The following CREB5 variants were observed in gnomAD, a reference collection of about 807,000 sequenced individuals.
CREB5 encodes cAMP responsive element binding protein 5.
In CREB5, 19 loss-of-function variants were observed where a neutral mutation model predicts 57.1. The observed-to-expected ratio is 0.33, with a 90% CI of 0.23 to 0.49. The LOEUF (loss-of-function observed/expected upper bound fraction) is 0.49. CREB5 is among the 20% of genes least tolerant of loss of function. The probability of loss-of-function intolerance (pLI) is 0.99; values close to 1 mark genes in which losing one functional copy is unlikely to be tolerated. For synonymous variants in CREB5, 238 were observed against 238.3 expected, an observed-to-expected ratio of 1.00 and a Z score of 0.01; for missense variants, 579 against 671.6, an observed-to-expected ratio of 0.86 and a Z score of 1.52.
At chr7:28,818,326 T>C in intron 10 of CREB5, 147 bp downstream of exon 10, 1 of 622,528 alleles carries the variant, frequency 1.6e-6, no homozygotes, top group Admixed American at 2.9e-5. Context: ...TTCCAGACTA[T>C]TCTTCCAAGG....
Position 28,804,453 on chromosome 7 carries a change from C to A in CREB5, c.957C>A (p.His319Gln). 10 of 1,614,160 alleles carry A rather than the reference C, an allele frequency of 6.2e-6. No homozygotes were observed. Among genetic ancestry groups the A allele is most frequent in the Non-Finnish European group, 8.5e-6 (10 of 1,180,036 alleles). The change falls in exon 8 of 11, where the codon CAC becomes CAA. Residue 319 changes from histidine to glutamine, a missense_variant. Physicochemically the swap from His to Gln is conservative, Grantham distance 24. This residue lies in a region of CREB5 where 459 missense variants were observed against 515.7 expected (regional missense o/e 0.89). Coordinates refer to ENST00000357727, the MANE Select transcript of CREB5 (RefSeq NM_182898.4). Reference sequence around the variant, plus strand: ...ATCCACATCACCACTCCCATTCCCACCTTCATGCACACCCAGCACATCACC... The same window carrying A: ...ATCCACATCACCACTCCCATTCCCAACTTCATGCACACCCAGCACATCACC... ...QNHPHHHSHS[H>Q]LHAHPAHHQT...
At chr7:28,500,416 G>A (rs994270907) in intron 3 of CREB5, among the ~76,000 whole-genome samples, 6 of 152,178 alleles carry the variant, frequency 3.9e-5, no homozygotes, top group African/African-American at 1.4e-4. Context: ...AAGAGAGGCA[G>A]GAAAGACTGG....
intron 4 of CREB5, among the ~76,000 whole-genome samples, chr7:28,525,711 A>G (rs1488031243): frequency 6.6e-6 from 1 of 152,164 alleles, no homozygotes; most frequent in Non-Finnish European, 1.5e-5. Flanking sequence ...CCATAAATAT[A>G]ATAGACATAA....
intron 1 of CREB5, among the ~76,000 whole-genome samples, chr7:28,382,244 C>T (rs536150243): frequency 1.9e-3 from 290 of 152,266 alleles, no homozygotes; most frequent in Non-Finnish European, 2.5e-3. Context: ...TGCCTGCCCA[C>T]GTTGAGGGCA....
chr7:28,399,410 C>T (rs968436144), intron 1 of CREB5, among the ~76,000 whole-genome samples: 2 of 119,344 alleles, frequency 1.7e-5, no homozygotes, highest in African/African-American at 6.8e-5. Flanking sequence ...AAAACAGCAT[C>T]ATTCTGGTAA....
At chr7:28,741,966 G>A (rs748137582) in intron 7 of CREB5, among the ~76,000 whole-genome samples, 1 of 150,800 alleles carries the variant, frequency 6.6e-6, no homozygotes, top group Middle Eastern at 3.4e-3. Context: ...CTTGGGAGGC[G>A]GAGGCAGAAG....
At chr7:28,650,523 G>T (rs1377075575) in intron 5 of CREB5, among the ~76,000 whole-genome samples, 1 of 152,076 alleles carries the variant, frequency 6.6e-6, no homozygotes, top group Non-Finnish European at 1.5e-5. Flanking sequence ...GATCCAGATA[G>T]TCTAAAATCC....
At chr7:28,560,234 T>C (rs1795025519) in intron 4 of CREB5, among the ~76,000 whole-genome samples, 1 of 152,068 alleles carries the variant, frequency 6.6e-6, no homozygotes, top group Admixed American at 6.5e-5. Context: ...GGAGAGGAAA[T>C]TCTAGGCCTG....
chr7:28,337,705 A>G (rs899370877), intron 1 of CREB5, among the ~76,000 whole-genome samples: 4 of 152,022 alleles, frequency 2.6e-5, no homozygotes. Flanking sequence ...ATTCAATGTT[A>G]TTATTGATAA....
intron 4 of CREB5, among the ~76,000 whole-genome samples, chr7:28,515,508 C>A (rs62449889): frequency 1.3e-5 from 2 of 151,988 alleles, no homozygotes; most frequent in Non-Finnish European, 2.9e-5. Context: ...TTGAACATAC[C>A]ACTGCTATTC....
At chr7:28,478,792 A>C (rs1791193539) in intron 1 of CREB5, among the ~76,000 whole-genome samples, 1 of 152,192 alleles carries the variant, frequency 6.6e-6, no homozygotes, top group South Asian at 2.1e-4. Context: ...TGGCCAAACC[A>C]GATAATTTAC....
At chr7:28,314,218 A>G (rs1369469801) in intron 1 of CREB5, among the ~76,000 whole-genome samples, 3 of 152,182 alleles carry the variant, frequency 2.0e-5, no homozygotes, top group Non-Finnish European at 4.4e-5. Flanking sequence ...GTTTGGTGAA[A>G]AAGCTTAATT....
chr7:28,464,412 T>C (rs1790471898), intron 1 of CREB5, among the ~76,000 whole-genome samples: 2 of 152,162 alleles, frequency 1.3e-5, no homozygotes, highest in Admixed American at 1.3e-4. Context: ...ATTTTCGAAC[T>C]ATTGGTGTTG....
At position 28,825,766 on chromosome 7, in the gene CREB5, C is replaced by G. The variant is rs1810027453; in HGVS notation, c.*6487C>G. On this transcript the variant is annotated 3_prime_UTR_variant, in exon 11 of 11. Transcript: ENST00000357727. ...TATTGTTACCAATGGACAATGAGTT[C>G]ATTAAGACTGTTCAACTAGGTCAGA... 1.3e-5 allele frequency: 2 copies of G among 152,596 alleles called. No individual in the cohort carries two copies. Among genetic ancestry groups the G allele is most frequent in the Admixed American group, 6.6e-5 (1 of 15,266 alleles). 9.5% of individuals were successfully genotyped at this position (152,596 alleles called of 1,614,324 possible).
At chr7:28,698,240 A>G (rs1312005900) in intron 5 of CREB5, among the ~76,000 whole-genome samples, 1 of 151,738 alleles carries the variant, frequency 6.6e-6, no homozygotes, top group Non-Finnish European at 1.5e-5. Flanking sequence ...CAGACATAAT[A>G]GTGAATCTTT....
chr7:28,719,746 T>C (rs1055274971), intron 6 of CREB5, among the ~76,000 whole-genome samples: 1 of 152,162 alleles, frequency 6.6e-6, no homozygotes, highest in Non-Finnish European at 1.5e-5. Flanking sequence ...CTCATAATCA[T>C]TATCTAATAA....
rs543636446 is a variant in CREB5 at position 28,610,289 on chromosome 7, T to C, written c.464+39752T>C. On this transcript the variant is annotated intron_variant, in intron 5 of 10. Coordinates refer to ENST00000357727, the MANE Select transcript of CREB5 (RefSeq NM_182898.4). ...AGAGGGAAGGCGGTGAAAGGTGTGC[T>C]CAGAGGTATCTGAGCTTTGGGTTTT... Among the ~76,000 whole-genome samples, 21 of 152,236 alleles carry C rather than the reference T, an allele frequency of 1.4e-4. No homozygotes were observed. The East Asian group carries it at 3.9e-3, about 28-fold the overall frequency.
At chr7:28,300,891 T>C (rs1200551505) in intron 1 of CREB5, among the ~76,000 whole-genome samples, 1 of 152,184 alleles carries the variant, frequency 6.6e-6, no homozygotes, top group East Asian at 1.9e-4. Context: ...ACCTTGGAAC[T>C]TGTCATAAAT....
chr7:28,810,600 G>A (rs1809056519), intron 9 of CREB5, among the ~76,000 whole-genome samples: 3 of 152,166 alleles, frequency 2.0e-5, no homozygotes, highest in Admixed American at 2.0e-4. Flanking sequence ...GGAGGCTGAA[G>A]CAGGAGAATG....
Sources: allele counts gnomAD v4.1 joint callset (sites outside exome capture counted in the v4.1 genomes callset), GRCh38; gene constraint gnomAD v4.1.1; regional missense constraint gnomAD v4.1.1; transcripts MANE v1.5; gene names NCBI Gene and HGNC (gene_info 2026-07-23, HGNC 2026-07-21).